PLPP5: variants seen among roughly 807,000 people sequenced by gnomAD.
PLPP5 encodes the protein phospholipid phosphatase 5.
A neutral mutation model predicts 23.6 loss-of-function variants in PLPP5; 29 were observed. The observed-to-expected ratio is 1.23, with a 90% CI of 0.92 to 1.68. The LOEUF is 1.68. Among genes scored for constraint, PLPP5 ranks in the 40% most tolerant of loss-of-function variants. The pLI is 0.00. For missense variants in PLPP5, 315 were observed against 332.1 expected (o/e 0.95, Z 0.40); for synonymous variants, 143 against 131.3 (o/e 1.09, Z -0.61).
rs189646446 is a variant in PLPP5 at position 38,269,116 on chromosome 8, T to G, written c.74+10A>C. On this transcript the variant is annotated intron_variant, in intron 1 of 6. Coordinates refer to ENST00000424479, the MANE Select transcript of PLPP5 (RefSeq NM_001102559.2). ...GGGGCCGCCCGGGCCCGGCCGTGGA[T>G]CTTTCTTACAGGAAGGCCGCGAACA... 1,757 of 1,524,906 alleles carry G rather than the reference T, an allele frequency of 1.2e-3. 22 individuals are homozygous for G. In the African/African-American group the frequency reaches 0.022, roughly 19 times the overall value. The allele number at this position is 1,524,906 out of a possible 1,614,324, so 94.5% of individuals were successfully genotyped here.
intron 6 of PLPP5, 21 bp downstream of exon 6, chr8:38,266,120 T>A (rs762890090): frequency 6.2e-7 from 1 of 1,611,170 alleles, no homozygotes; most frequent in Admixed American, 1.7e-5. Flanking sequence ...CAAGCTTCCA[T>A]AGCCTGAGTA....
chr8:38,266,782 G>T (rs536329543), intron 5 of PLPP5, among the ~76,000 whole-genome samples: 5 of 152,214 alleles, frequency 3.3e-5, no homozygotes, highest in African/African-American at 1.2e-4. Context: ...AAAAATGAAG[G>T]ACTTAGTGCC....
intron 2 of PLPP5, 174 bp downstream of exon 2, chr8:38,268,708 C>G: frequency 7.0e-7 from 1 of 1,432,096 alleles, no homozygotes; most frequent in Non-Finnish European, 9.1e-7. Flanking sequence ...GCTCGGACAC[C>G]CTCCTCTCTC....
chr8:38,267,803 A>G, intron 4 of PLPP5, 94 bp downstream of exon 4: 1 of 1,253,214 alleles, frequency 8.0e-7, no homozygotes, highest in Non-Finnish European at 1.2e-6. Context: ...AGGAGAAAAG[A>G]ATGAGAAAGA....
chr8:38,264,260 A>C lies in PLPP5; in HGVS notation c.*184T>G. 1.4e-6 allele frequency: 1 copy of C among 728,722 alleles called. No homozygotes were observed. The highest frequency in any genetic ancestry group is 1.9e-6 in the Non-Finnish European group (1 of 523,726). The allele number at this position is 728,722 out of a possible 1,614,324, so 45.1% of individuals were successfully genotyped here. The stretch of plus-strand genomic sequence containing the variant: ...GCTCCCAGGTTCAAGCAATTCTCCT[A>C]CCTCAGCCTCCCAGGTAGCTGGGAT... On this transcript the variant is annotated 3_prime_UTR_variant, in exon 7 of 7. Coordinates refer to ENST00000424479, the MANE Select transcript of PLPP5 (RefSeq NM_001102559.2).
chr8:38,263,987 T>C lies in PLPP5; in HGVS notation c.*457A>G, dbSNP rs1379462320. On this transcript the variant is annotated 3_prime_UTR_variant, in exon 7 of 7. Coordinates refer to ENST00000424479, the MANE Select transcript of PLPP5 (RefSeq NM_001102559.2). ...GGAAAAGAACCGTAACTCCTCAAGA[T>C]AGATGAGCAGGGGCAAAAGTGTGTA... 2.5e-5 allele frequency: 25 copies of C among 985,756 alleles called. No individual in the cohort carries two copies. Among genetic ancestry groups the C allele is most frequent in the African/African-American group, 1.0e-4 (6 of 57,192 alleles). The allele number at this position is 985,756 out of a possible 1,614,324, so 61.1% of individuals were successfully genotyped here.
In PLPP5 at chr8:38,268,960, T is replaced by C; in HGVS notation, c.105A>G (p.Arg35=). ...GCCACATCTCCTCCGGCTGGATGAGTCTCTGGAACGGGGGGAGCAGCTCCG... is the reference window on the plus strand; with the variant it reads ...GCCACATCTCCTCCGGCTGGATGAGCCTCTGGAACGGGGGGAGCAGCTCCG... The part of the protein sequence containing the change: ...LVTELLPPFQ[R]LIQPEEMWLY... Residue 35 remains arginine, a synonymous_variant, in exon 2 of 7, where the codon AGA becomes AGG. Coordinates refer to ENST00000424479, the MANE Select transcript of PLPP5 (RefSeq NM_001102559.2). 2 of 1,564,588 alleles carry C rather than the reference T, an allele frequency of 1.3e-6. No individual in the cohort carries two copies. Among genetic ancestry groups the C allele is most frequent in the East Asian group, 2.5e-5 (1 of 40,740 alleles).
chr8:38,267,334 C>G lies in PLPP5; in HGVS notation c.396G>C (p.Leu132Phe). The change falls in exon 5 of 7, where the codon TTG (leucine) becomes TTC (phenylalanine). Residue 132 changes from leucine to phenylalanine, a missense_variant. By Grantham distance (22) the Leu-to-Phe change is conservative. Coordinates refer to ENST00000424479, the MANE Select transcript of PLPP5 (RefSeq NM_001102559.2). Reference protein sequence around the residue: ...CFPDGLAHSDLMCTGDKDVVN... With the variant: ...CFPDGLAHSDFMCTGDKDVVN... Reference sequence around the variant, plus strand: ...CCACGTCCTTATCCCCTGTACACATCAAGTCAGAATGGGCTAGCCCATCAG... The same window carrying G: ...CCACGTCCTTATCCCCTGTACACATGAAGTCAGAATGGGCTAGCCCATCAG... The G allele has an allele frequency of 6.2e-7, 1 of 1,614,010 alleles. No individual in the cohort carries two copies. Among genetic ancestry groups the G allele is most frequent in the Non-Finnish European group, 8.5e-7 (1 of 1,179,892 alleles).
intron 5 of PLPP5, chr8:38,267,023 T>G: frequency 7.2e-7 from 1 of 1,395,694 alleles, no homozygotes; most frequent in Non-Finnish European, 9.3e-7. Context: ...GATTGCAGGA[T>G]CTAGGCAAAT....
Position 38,263,309 on chromosome 8 carries a change from AG to A in PLPP5, c.*1134del, listed in dbSNP as rs955735505. ...TGTTCCTTATATTCCATTGTGAAGA[AG>A]GGGCAGAAAAAGATTCATCTGTCCT... is the stretch of plus-strand genomic sequence containing the variant. On this transcript the variant is annotated 3_prime_UTR_variant, in exon 7 of 7. Transcript: ENST00000424479. 1.9e-5 allele frequency: 16 copies of A among 835,426 alleles called. No homozygotes were observed. Among genetic ancestry groups the A allele is most frequent in the Non-Finnish European group, 2.0e-5 (14 of 693,264 alleles). The allele number at this position is 835,426 out of a possible 1,614,324, so 51.8% of individuals were successfully genotyped here.
Position 38,263,500 on chromosome 8 carries a change from T to C in PLPP5, c.*944A>G, listed in dbSNP as rs1807197922. 3.0e-6 allele frequency: 3 copies of C among 985,456 alleles called. No individual in the cohort carries two copies. Among genetic ancestry groups the C allele is most frequent in the Non-Finnish European group, 3.6e-6 (3 of 829,900 alleles). 61.0% of individuals were successfully genotyped at this position (985,456 alleles called of 1,614,324 possible). On this transcript the variant is annotated 3_prime_UTR_variant, in exon 7 of 7. Transcript: ENST00000424479. ...TCTGTTAGTAGTGCTGAAACCACAC[T>C]CCTGACCATTTTCTTCTTTATTATT...
chr8:38,266,700 A>T (rs183449206), intron 5 of PLPP5, among the ~76,000 whole-genome samples: 1 of 152,162 alleles, frequency 6.6e-6, no homozygotes, highest in Non-Finnish European at 1.5e-5. Context: ...ACACCCGGCC[A>T]TGAGGGTGTT....
chr8:38,263,761 AG>A lies in PLPP5; in HGVS notation c.*682del, dbSNP rs1807217893. The A allele has an allele frequency of 1.0e-6, 1 of 985,308 alleles. No homozygotes were observed. Among genetic ancestry groups the A allele is most frequent in the South Asian group, 4.7e-5 (1 of 21,292 alleles). The allele number at this position is 985,308 out of a possible 1,614,324, so 61.0% of individuals were successfully genotyped here. ...TTTGAGCTATATGAAATGGAAATTA[AG>A]TTTTGATAATGAACTCTAGCTTCTG... On this transcript the variant is annotated 3_prime_UTR_variant, in exon 7 of 7. Coordinates refer to ENST00000424479, the MANE Select transcript of PLPP5 (RefSeq NM_001102559.2).
intron 5 of PLPP5, 198 bp downstream of exon 5, chr8:38,267,069 A>T: frequency 7.0e-7 from 1 of 1,431,956 alleles, no homozygotes; most frequent in Non-Finnish European, 9.2e-7. Flanking sequence ...TCATGAAGGT[A>T]AACTACCTTT....
chr8:38,264,975 A>G, intron 6 of PLPP5: 1 of 1,546,478 alleles, frequency 6.5e-7, no homozygotes, highest in Non-Finnish European at 8.9e-7. Context: ...AAGTATTTTA[A>G]GAGTTGCTTC....
rs1026679545 is a variant in PLPP5 at position 38,266,555 on chromosome 8, C to A, written c.464-244G>T. The stretch of plus-strand genomic sequence containing the variant: ...AGCTGGGACTCCATGTGTGTGCCAC[C>A]ATGCCCAGCTAATTTTTTTATTTTT... On this transcript the variant is annotated intron_variant, in intron 5 of 6. Coordinates refer to ENST00000424479, the MANE Select transcript of PLPP5 (RefSeq NM_001102559.2). 8.3e-6 allele frequency: 3 copies of A among 363,342 alleles called. No individual in the cohort carries two copies. The East Asian group carries it at 1.7e-4, about 20-fold the overall frequency. The allele number at this position is 363,342 out of a possible 1,614,324, so 22.5% of individuals were successfully genotyped here.
chr8:38,267,691 A>G, intron 4 of PLPP5: 1 of 639,922 alleles, frequency 1.6e-6, no homozygotes, highest in Non-Finnish European at 2.7e-6. Flanking sequence ...TTGGTGGGAA[A>G]TGCTGTTCAG....
rs780092315 is a variant in PLPP5 at position 38,268,904 on chromosome 8, T to C, written c.161A>G (p.Tyr54Cys). ...LYRNPYVEAE[Y>C]FPTKPMFVIA... ...CACAAACATCGGCTTGGTGGGGAAA[T>C]ACTCCGCCTCCACGTAGGGGTTCCG... The change falls in exon 2 of 7, where the codon TAT (tyrosine) becomes TGT (cysteine). Residue 54 changes from tyrosine (Y) to cysteine (C), a missense_variant. Coordinates refer to ENST00000424479, the MANE Select transcript of PLPP5 (RefSeq NM_001102559.2). The C allele has an allele frequency of 6.4e-7, 1 of 1,554,714 alleles. No individual in the cohort carries two copies. The highest frequency in any genetic ancestry group is 1.4e-5 in the African/African-American group (1 of 71,368).
chr8:38,267,949 C>T lies in PLPP5; in HGVS notation c.286G>A (p.Ala96Thr), dbSNP rs201723569. ...GTAAAGACGCCATTCAGAGCCAGGG[C>T]AAGGCTGGCAGCTGCAAAGCAAAGC... The part of the protein sequence containing the change: ...SRQACLAASL[A>T]LALNGVFTNT... Residue 96 changes from alanine to threonine, a missense_variant, in exon 4 of 7, where the codon GCC becomes ACC. By Grantham distance (58) the Ala-to-Thr change is moderately conservative. Transcript: ENST00000424479. 3 of 1,613,936 alleles carry T rather than the reference C, an allele frequency of 1.9e-6. No homozygotes were observed. The highest frequency in any genetic ancestry group is 1.7e-5 in the Admixed American group (1 of 60,016).
Sources: allele counts gnomAD v4.1 joint callset (sites outside exome capture counted in the v4.1 genomes callset), GRCh38; gene constraint gnomAD v4.1.1; transcripts MANE v1.5; gene names NCBI Gene and HGNC (gene_info 2026-07-23, HGNC 2026-07-21).